The following APLF variants were observed in gnomAD, a reference collection of about 807,000 sequenced individuals.
The protein encoded by APLF is aprataxin and PNKP like factor.
In APLF, 61 loss-of-function variants were observed where a neutral mutation model predicts 55.6. The observed-to-expected ratio is 1.10, with a 90% CI of 0.89 to 1.36. The LOEUF (loss-of-function observed/expected upper bound fraction) is 1.36, where lower values mean the gene tolerates loss of function less well. APLF is among the 40% of genes most tolerant of loss of function. The pLI is 0.00. For missense variants in APLF, 611 were observed against 602.5 expected (o/e 1.01, Z -0.15); for synonymous variants, 207 against 214.8 (o/e 0.96, Z 0.32).
chr2:68,479,298 C>T (rs924682327), intron 1 of APLF, among the ~76,000 whole-genome samples: 5 of 152,186 alleles, frequency 3.3e-5, no homozygotes, highest in African/African-American at 1.2e-4. Context: ...GTCATGAAAG[C>T]CATCAAGCCT....
Position 68,570,414 on chromosome 2 carries a change from G to T in APLF, c.1333+3027G>T, listed in dbSNP as rs867626355. Among the ~76,000 whole-genome samples, 26 of 151,662 alleles carry T rather than the reference G, an allele frequency of 1.7e-4. 1 individual carries two copies. The South Asian group carries it at 3.5e-3, about 21-fold the overall frequency. The stretch of plus-strand genomic sequence containing the variant: ...TCCATTACCTCATCATTTACATTAG[G>T]TATATCTCCTAATGCTATCCCTCCC... On this transcript the variant is annotated intron_variant, in intron 9 of 9. Coordinates refer to ENST00000303795, the MANE Select transcript of APLF (RefSeq NM_173545.3).
intron 8 of APLF, among the ~76,000 whole-genome samples, chr2:68,561,934 C>G (rs925977424): frequency 3.9e-5 from 6 of 151,936 alleles, no homozygotes; most frequent in African/African-American, 1.2e-4. Context: ...TTTTTGTACT[C>G]CAACCAATGA....
intron 6 of APLF, chr2:68,531,545 A>G (rs1573228867): frequency 1.3e-5 from 2 of 152,350 alleles, no homozygotes; most frequent in African/African-American, 4.8e-5. Context: ...CTATACACTC[A>G]GTTCCTTTGC....
rs767329498 is a variant in APLF, at chr2:68,526,072, C to T, written c.634C>T (p.Gln212Ter). 20 of 1,612,034 alleles carry T rather than the reference C, an allele frequency of 1.2e-5. No individual in the cohort carries two copies. The highest frequency in any genetic ancestry group is 2.2e-5 in the East Asian group (1 of 44,824). Residue 212 changes from glutamine to a stop codon, truncating the protein, a stop_gained, in exon 6 of 10, where the codon CAG becomes TAG. Coordinates refer to ENST00000303795, the MANE Select transcript of APLF (RefSeq NM_173545.3). LOFTEE classifies it high-confidence loss of function. ...VPAISGGNVI[Q>*]GSGKEEICKD... is the part of the protein sequence containing the mutation. ...TTTATGTGTTTAAGGTAATGTAATC[C>T]AGGGAAGTGGAAAAGAAGAAATCTG...
intron 1 of APLF, among the ~76,000 whole-genome samples, chr2:68,479,660 C>T (rs1044689613): frequency 1.3e-5 from 2 of 152,090 alleles, no homozygotes; most frequent in Non-Finnish European, 2.9e-5. Context: ...TGATACAGAC[C>T]CTGAAACTAA....
rs369507056 is a variant in APLF at position 68,578,807 on chromosome 2, A to G, written c.*785A>G. ...AAACGACATAACTTTCTCAAATGGC[A>G]TTAGTTTTGCCTTAGTTTTTTTGAC... On this transcript the variant is annotated 3_prime_UTR_variant, in exon 10 of 10. Transcript: ENST00000303795. 8.1e-6 allele frequency: 8 copies of G among 985,324 alleles called. No homozygotes were observed. The highest frequency in any genetic ancestry group is 8.4e-6 in the Non-Finnish European group (7 of 829,890). 61.0% of individuals were successfully genotyped at this position (985,324 alleles called of 1,614,324 possible). A position where few individuals can be genotyped will look rare whatever the true frequency, so the allele number is the denominator to read the frequency against.
intron 8 of APLF, among the ~76,000 whole-genome samples, chr2:68,565,217 C>T (rs1671269698): frequency 1.3e-5 from 2 of 152,012 alleles, no homozygotes; most frequent in Non-Finnish European, 2.9e-5. Context: ...AGCAATAACA[C>T]TCTATTTTTC....
At chr2:68,486,004 G>C (rs942187810) in intron 1 of APLF, among the ~76,000 whole-genome samples, 2 of 151,722 alleles carry the variant, frequency 1.3e-5, no homozygotes. Context: ...ACGTAGATTT[G>C]TATGGAATCA....
At chr2:68,490,375 C>A in intron 2 of APLF, 114 bp downstream of exon 2, 2 of 694,816 alleles carry the variant, frequency 2.9e-6, no homozygotes, top group Non-Finnish European at 2.2e-6. Flanking sequence ...TCAGAATATA[C>A]CCTTCTCATT....
intron 3 of APLF, among the ~76,000 whole-genome samples, chr2:68,511,179 A>G (rs1388455617): frequency 2.0e-5 from 3 of 151,772 alleles, no homozygotes; most frequent in African/African-American, 4.8e-5. Context: ...TATATGGATT[A>G]TTTTTCAATA....
intron 8 of APLF, among the ~76,000 whole-genome samples, chr2:68,560,078 T>C (rs1458137190): frequency 6.6e-6 from 1 of 152,172 alleles, no homozygotes; most frequent in African/African-American, 2.4e-5. Context: ...TTCCTTCAGA[T>C]ATGTGTGTGA....
At chr2:68,510,674 A>G (rs571184532) in intron 3 of APLF, among the ~76,000 whole-genome samples, 1 of 151,996 alleles carries the variant, frequency 6.6e-6, no homozygotes, top group East Asian at 1.9e-4. Flanking sequence ...ACTCCTATGT[A>G]TATACCCAAA....
intron 8 of APLF, among the ~76,000 whole-genome samples, chr2:68,561,622 C>T (rs754304260): frequency 1.3e-4 from 19 of 151,928 alleles, no homozygotes; most frequent in Non-Finnish European, 2.1e-4. Context: ...AAGTAATGTG[C>T]GTTGTTAATG....
Position 68,577,809 on chromosome 2 carries a change from C to T in APLF, c.1334-11C>T, listed in dbSNP as rs144823029. On this transcript the variant is annotated splice_polypyrimidine_tract_variant and intron_variant, in intron 9 of 9. Transcript: ENST00000303795. ...GATTGATGTGTTGTGTACCAATCTT[C>T]TGTTTTGCAGTGAGAAATGTTTTAG... 1.4e-4 allele frequency: 230 copies of T among 1,612,500 alleles called. 1 individual carries two copies. The African/African-American group carries it at 2.9e-3, about 20-fold the overall frequency.
intron 1 of APLF, among the ~76,000 whole-genome samples, chr2:68,482,296 A>G (rs961674763): frequency 6.6e-6 from 1 of 152,024 alleles, no homozygotes; most frequent in African/African-American, 2.4e-5. Flanking sequence ...GGTAGAGTAC[A>G]TTGGCTTAGG....
chr2:68,521,953 C>T (rs1384359430), intron 5 of APLF, among the ~76,000 whole-genome samples: 1 of 151,748 alleles, frequency 6.6e-6, no homozygotes, highest in Non-Finnish European at 1.5e-5. Flanking sequence ...ACTTTGTTTC[C>T]AGCAACTTTG....
chr2:68,483,045 C>A (rs193016924), intron 1 of APLF, among the ~76,000 whole-genome samples: 1 of 152,118 alleles, frequency 6.6e-6, no homozygotes, highest in East Asian at 1.9e-4. Context: ...TACAGTCCTT[C>A]ATGTGGTCTT....
At chr2:68,536,202 T>TAG (rs1309331414) in intron 6 of APLF, among the ~76,000 whole-genome samples, 4 of 152,260 alleles carry the variant, frequency 2.6e-5, no homozygotes, top group African/African-American at 9.6e-5. Context: ...GCGTATGTTT[T>TAG]AGAGAGACAT....
At position 68,519,637 on chromosome 2, in the gene APLF, A is replaced by G. The variant is rs926201159; in HGVS notation, c.622+5957A>G. Among the ~76,000 whole-genome samples, 35 of 149,950 alleles carry G rather than the reference A, an allele frequency of 2.3e-4. No individual in the cohort carries two copies. The Admixed American group carries it at 2.3e-3, about 10-fold the overall frequency. On this transcript the variant is annotated intron_variant, in intron 5 of 9. Transcript: ENST00000303795. ...ATCAACACATACAGAGATGTTATTG[A>G]CAAAAAAAAATTACACATGAAGTAA...
Sources: gnomAD v4.1 joint callset for allele counts (sites outside exome capture counted in the v4.1 genomes callset) on GRCh38, gnomAD v4.1.1 for gene constraint, MANE v1.5 for transcripts, NCBI Gene and HGNC (gene_info 2026-07-23, HGNC 2026-07-21) for gene names.